LXN: variants seen among roughly 807,000 people sequenced by gnomAD.
The protein encoded by LXN is MUM.
LXN carries 28 observed loss-of-function variants against 29.8 expected under a neutral mutation model. The ratio of observed to expected loss-of-function variants is 0.94; its 90% CI spans 0.70 to 1.29. LXN has a LOEUF of 1.29. Among genes scored for constraint, LXN ranks in the 50% most tolerant of loss-of-function variants. The pLI, the probability that LXN is intolerant of heterozygous loss-of-function variation, is 0.00. For synonymous variants in LXN, 77 were observed against 89.6 expected, an observed-to-expected ratio of 0.86 and a Z score of 0.80; for missense variants, 227 against 261.7, an observed-to-expected ratio of 0.87 and a Z score of 0.92.
intron 2 of LXN, among the ~76,000 whole-genome samples, chr3:158,670,733 A>G (rs1724204639): frequency 6.6e-6 from 1 of 152,188 alleles, no homozygotes; most frequent in Admixed American, 6.5e-5. Context: ...TTGGTAGCTC[A>G]TGCTTGTAAT....
intron 4 of LXN, among the ~76,000 whole-genome samples, chr3:158,668,272 T>TA (rs1166203496): frequency 1.3e-5 from 2 of 152,212 alleles, no homozygotes; most frequent in Non-Finnish European, 2.9e-5. Flanking sequence ...CTAGATTACT[T>TA]ATAATACCAA....
chr3:158,667,333 G>A (rs1723807775), intron 4 of LXN, among the ~76,000 whole-genome samples: 1 of 152,134 alleles, frequency 6.6e-6, no homozygotes, highest in Non-Finnish European at 1.5e-5. Context: ...TAGTTTCCAA[G>A]TTGTGGTGGC....
At chr3:158,671,391 T>C (rs1724286853) in intron 1 of LXN, among the ~76,000 whole-genome samples, 1 of 152,208 alleles carries the variant, frequency 6.6e-6, no homozygotes, top group African/African-American at 2.4e-5. Flanking sequence ...TTCATAAAGC[T>C]CAGTGTACCC....
chr3:158,670,343 C>T (rs558067696), intron 2 of LXN, among the ~76,000 whole-genome samples: 101 of 152,188 alleles, frequency 6.6e-4, no homozygotes, highest in African/African-American at 2.4e-3. Context: ...CTCTAAAAAC[C>T]CAGTGAAAAA....
Position 158,669,118 on chromosome 3 carries a change from C to A in LXN, c.385G>T (p.Val129Leu), listed in dbSNP as rs983923526. The change falls in exon 4 of 6, where the codon GTA (valine) becomes TTA (leucine). Residue 129 changes from valine to leucine, a missense_variant. Transcript: ENST00000264265. ...AQNIPDNFGNVSPEMTLVLHL... is the reference protein window; with the variant it reads ...AQNIPDNFGNLSPEMTLVLHL... ...AGAACGAGCGTCATTTCTGGAGATA[C>A]ATTTCCAAAATTGTCTGGTAGGAGA... is the stretch of plus-strand genomic sequence containing the variant. The A allele has an allele frequency of 6.2e-7, 1 of 1,613,378 alleles. No individual in the cohort carries two copies. The highest frequency in any genetic ancestry group is 1.3e-5 in the African/African-American group (1 of 74,986).
chr3:158,666,603 A>G lies in LXN; in HGVS notation c.*43T>C. 1.3e-6 allele frequency: 2 copies of G among 1,532,568 alleles called. No individual in the cohort carries two copies. Among genetic ancestry groups the G allele is most frequent in the Non-Finnish European group, 1.8e-6 (2 of 1,108,438 alleles). The allele number at this position is 1,532,568 out of a possible 1,614,324, so 94.9% of individuals were successfully genotyped here. Reference sequence around the variant, plus strand: ...CTAGATGCCAGTGAAATTGGCATACACATCAATAGACATGTTTACACTTCC... The same window carrying G: ...CTAGATGCCAGTGAAATTGGCATACGCATCAATAGACATGTTTACACTTCC... On this transcript the variant is annotated 3_prime_UTR_variant, in exon 6 of 6. Transcript: ENST00000264265.
At chr3:158,669,276 G>C in intron 3 of LXN, 144 bp from the exon 4 acceptor site, 3 of 1,195,894 alleles carry the variant, frequency 2.5e-6, no homozygotes, top group Non-Finnish European at 3.5e-6. Flanking sequence ...TAAAATTTCT[G>C]AGGCCTCTTT....
intron 2 of LXN, among the ~76,000 whole-genome samples, chr3:158,669,890 G>C (rs1724110584): frequency 1.3e-5 from 2 of 152,162 alleles, no homozygotes; most frequent in Non-Finnish European, 2.9e-5. Flanking sequence ...TATTAATGGG[G>C]TGTCCATTTG....
At chr3:158,670,832 G>A in intron 2 of LXN, 125 bp downstream of exon 2, 1 of 1,258,468 alleles carries the variant, frequency 7.9e-7, no homozygotes, top group Non-Finnish European at 1.0e-6. Context: ...ATTTGGGGAG[G>A]CTGAGGTGGG....
intron 2 of LXN, among the ~76,000 whole-genome samples, chr3:158,670,492 CT>C (rs1179853925): frequency 6.6e-6 from 1 of 152,108 alleles, no homozygotes; most frequent in African/African-American, 2.4e-5. Flanking sequence ...AGTGTATAGT[CT>C]TTTTTTGTGT....
At chr3:158,671,161 C>T in intron 1 of LXN, 142 bp from the exon 2 acceptor site, 2 of 1,178,048 alleles carry the variant, frequency 1.7e-6, no homozygotes, top group East Asian at 3.4e-5. Context: ...AAAGGCATGT[C>T]ACCATGAATG....
intron 5 of LXN, 40 bp downstream of exon 5, chr3:158,666,972 T>G (rs1391911028): frequency 6.4e-7 from 1 of 1,573,338 alleles, no homozygotes; most frequent in Non-Finnish European, 8.6e-7. Flanking sequence ...GGAGTCTCAG[T>G]TTTCAGAATG....
rs747715354 is a variant in LXN at position 158,672,392 on chromosome 3, G to A, written c.87C>T (p.His29=). ...NYINYQQGTP[H]RVFEVQKVKQ... is the part of the protein sequence containing the mutation. The stretch of plus-strand genomic sequence containing the variant: ...TGACCTTCTGCACCTCAAACACCCT[G>A]TGCGGGGTCCCCTGCTGGTAGTTGA... The change falls in exon 1 of 6, where the codon CAC becomes CAT. Residue 29 remains histidine, a synonymous_variant. Transcript: ENST00000264265. 5.0e-6 allele frequency: 8 copies of A among 1,613,956 alleles called. No homozygotes were observed. In the South Asian group the frequency reaches 8.8e-5, roughly 18 times the overall value.
chr3:158,667,438 A>G (rs1045423252), intron 4 of LXN, among the ~76,000 whole-genome samples: 3 of 152,200 alleles, frequency 2.0e-5, no homozygotes, highest in East Asian at 1.9e-4. Context: ...AGCTATAGCA[A>G]TGGGTGTTTA....
Position 158,670,456 on chromosome 3 carries a change from C to T in LXN, c.192+501G>A, listed in dbSNP as rs561735945. On this transcript the variant is annotated intron_variant, in intron 2 of 5. Transcript: ENST00000264265. The stretch of plus-strand genomic sequence containing the variant: ...TTCAGACTGCCCTAAGAGTATGTAA[C>T]TTCTTAAGAAATTCATTTGAACTGA... 3.9e-5 allele frequency among the ~76,000 whole-genome samples: 6 copies of T among 152,262 alleles called. 1 individual carries two copies. In the South Asian group the frequency reaches 1.2e-3, roughly 32 times the overall value.
intron 1 of LXN, among the ~76,000 whole-genome samples, chr3:158,671,365 C>A (rs970854747): frequency 6.6e-6 from 1 of 152,166 alleles, no homozygotes; most frequent in African/African-American, 2.4e-5. Context: ...GACAATATCA[C>A]CTTTGAAAAG....
intron 4 of LXN, among the ~76,000 whole-genome samples, chr3:158,668,291 T>C (rs1723911567): frequency 6.6e-6 from 1 of 152,212 alleles, no homozygotes; most frequent in South Asian, 2.1e-4. Flanking sequence ...AAATACAATC[T>C]AAATGTTATA....
In LXN at chr3:158,669,102, G is replaced by A. The variant is rs59718588; in HGVS notation, c.401C>T (p.Thr134Met). 10,971 of 1,613,354 alleles carry A rather than the reference G, an allele frequency of 6.8e-3. 665 individuals carry two copies. In the African/African-American group the frequency reaches 0.13, roughly 19 times the overall value. ...DNFGNVSPEM[T>M]LVLHLAWVAC... is the part of the protein sequence containing the mutation. ...AACCCAGGCTAAATGTAGAACGAGC[G>A]TCATTTCTGGAGATACATTTCCAAA... Residue 134 changes from threonine (T) to methionine (M), a missense_variant, in exon 4 of 6, where the codon ACG becomes ATG. Thr to Met is a moderately conservative substitution (Grantham distance 81). Transcript: ENST00000264265.
chr3:158,670,255 A>G (rs1217230992), intron 2 of LXN, among the ~76,000 whole-genome samples: 1 of 152,166 alleles, frequency 6.6e-6, no homozygotes, highest in Non-Finnish European at 1.5e-5. Context: ...TCCCTTCCCC[A>G]TTACTGAAAG....
Sources: gnomAD v4.1 joint callset for allele counts (sites outside exome capture counted in the v4.1 genomes callset) on GRCh38, gnomAD v4.1.1 for gene constraint, MANE v1.5 for transcripts, NCBI Gene and HGNC (gene_info 2026-07-23, HGNC 2026-07-21) for gene names.